TBC1D5: variants seen among roughly 807,000 people sequenced by gnomAD.
TBC1D5 encodes TBC1 domain family, member 5.
Under a neutral mutation model 100.3 loss-of-function variants are expected in TBC1D5, and 75 were observed. That is an observed-to-expected ratio of 0.75 (90% CI 0.62 to 0.91). The LOEUF is 0.91. TBC1D5 is among the 40% of genes least tolerant of loss of function. TBC1D5 has a pLI of 0.00. For missense variants in TBC1D5, 910 were observed against 942.4 expected (o/e 0.97, Z 0.45); for synonymous variants, 323 against 325.6 (o/e 0.99, Z 0.09).
chr3:17,345,932 G>A (rs1441112038), intron 13 of TBC1D5, among the ~76,000 whole-genome samples: 1 of 151,050 alleles, frequency 6.6e-6, no homozygotes, highest in Non-Finnish European at 1.5e-5. Context: ...GGTGGGGAGA[G>A]GGGGGAGGGA....
chr3:17,166,792 ACG>A lies in TBC1D5; in HGVS notation c.2067_2068del (p.Val690SerfsTer7), dbSNP rs1401523631. ...CTGTTTAATGGCCCCTGACATTTGA[ACG>A]CTCTGGCCTTGGCCTCGGCCCTGGC... On this transcript the variant is annotated frameshift_variant, in exon 21 of 22. Coordinates refer to ENST00000253692, the Ensembl canonical transcript of TBC1D5. LOFTEE classifies it high-confidence loss of function. 4 of 1,612,278 alleles carry A rather than the reference ACG, an allele frequency of 2.5e-6. No individual in the cohort carries two copies. In the African/African-American group the frequency reaches 4.0e-5, roughly 16 times the overall value.
At chr3:17,702,269 G>C (rs1252747510) in intron 1 of TBC1D5, 1 of 152,000 alleles carries the variant, frequency 6.6e-6, no homozygotes, top group Non-Finnish European at 1.5e-5. Context: ...AAGACTTCCA[G>C]AAGAAATCAA....
At chr3:17,352,118 C>A (rs1285745266) in intron 13 of TBC1D5, among the ~76,000 whole-genome samples, 1 of 151,908 alleles carries the variant, frequency 6.6e-6, no homozygotes, top group Non-Finnish European at 1.5e-5. Flanking sequence ...AATGTAAGGA[C>A]ACACATTTAA....
At chr3:17,401,420 T>G (rs1021667933) in intron 8 of TBC1D5, among the ~76,000 whole-genome samples, 1 of 151,540 alleles carries the variant, frequency 6.6e-6, no homozygotes, top group Admixed American at 6.6e-5. Flanking sequence ...TGTGTATATA[T>G]CTTGCATTTT....
At chr3:17,347,113 A>G (rs528307309) in intron 13 of TBC1D5, among the ~76,000 whole-genome samples, 22 of 152,266 alleles carry the variant, frequency 1.4e-4, no homozygotes, top group African/African-American at 4.3e-4. Context: ...GTTTACACAG[A>G]TTGCTTTTCA....
chr3:17,175,477 T>A (rs979897911), intron 19 of TBC1D5, among the ~76,000 whole-genome samples: 1 of 152,236 alleles, frequency 6.6e-6, no homozygotes, highest in Non-Finnish European at 1.5e-5. Context: ...GATATGGCTA[T>A]AACATTAGGG....
chr3:17,439,636 G>C (rs2094602902), intron 3 of TBC1D5, among the ~76,000 whole-genome samples: 1 of 151,658 alleles, frequency 6.6e-6, no homozygotes, highest in Non-Finnish European at 1.5e-5. Flanking sequence ...ACAAATTTTT[G>C]CTATGACATT....
At chr3:17,506,595 T>G (rs1471583761) in intron 3 of TBC1D5, among the ~76,000 whole-genome samples, 1 of 152,132 alleles carries the variant, frequency 6.6e-6, no homozygotes, top group Non-Finnish European at 1.5e-5. Context: ...TTAATGAACA[T>G]TTGGGGTAAA....
intron 9 of TBC1D5, among the ~76,000 whole-genome samples, chr3:17,381,971 A>G (rs916313648): frequency 5.3e-5 from 8 of 152,080 alleles, no homozygotes; most frequent in African/African-American, 1.9e-4. Flanking sequence ...ACCTGTTTCT[A>G]GACTGTTTCA....
chr3:17,734,202 AC>A (rs959726660), intron 1 of TBC1D5, among the ~76,000 whole-genome samples: 2 of 152,260 alleles, frequency 1.3e-5, no homozygotes, highest in African/African-American at 2.4e-5. Flanking sequence ...GTACATTCAT[AC>A]AATGTATTTT....
chr3:17,372,317 A>C, intron 12 of TBC1D5, 70 bp from the exon 13 acceptor site: 1 of 1,368,250 alleles, frequency 7.3e-7, no homozygotes, highest in Non-Finnish European at 9.7e-7. Flanking sequence ...GTCATTCTTT[A>C]TCAATGACAG....
intron 13 of TBC1D5, among the ~76,000 whole-genome samples, chr3:17,364,041 C>T (rs1157089145): frequency 1.3e-5 from 2 of 150,584 alleles, no homozygotes; most frequent in Non-Finnish European, 2.9e-5. Context: ...ACCCCCTCCC[C>T]GGACTGAAAT....
intron 2 of TBC1D5, among the ~76,000 whole-genome samples, chr3:17,566,907 A>G (rs1164436447): frequency 6.6e-6 from 1 of 151,886 alleles, no homozygotes; most frequent in East Asian, 1.9e-4. Context: ...TTGGTAAACA[A>G]GAACCTAGTC....
chr3:17,618,963 A>AT (rs1339774254), intron 2 of TBC1D5, among the ~76,000 whole-genome samples: 2 of 152,164 alleles, frequency 1.3e-5, no homozygotes, highest in Non-Finnish European at 2.9e-5. Context: ...GGAAATGCAG[A>AT]TATCACCCGT....
chr3:17,621,158 T>TA (rs2062625323), intron 2 of TBC1D5, among the ~76,000 whole-genome samples: 1 of 152,198 alleles, frequency 6.6e-6, no homozygotes, highest in South Asian at 2.1e-4. Flanking sequence ...GGATTAGAAT[T>TA]AGAGAAACTG....
chr3:17,413,099 T>G (rs990514617), intron 4 of TBC1D5, among the ~76,000 whole-genome samples: 3 of 152,170 alleles, frequency 2.0e-5, no homozygotes, highest in Non-Finnish European at 2.9e-5. Context: ...ACCTTGAAGA[T>G]TTCCTTAACA....
chr3:17,187,532 C>T (rs1045286211), intron 18 of TBC1D5, among the ~76,000 whole-genome samples: 3 of 152,190 alleles, frequency 2.0e-5, no homozygotes, highest in African/African-American at 4.8e-5. Flanking sequence ...AGAAGAAGAG[C>T]CTGAGCCCTG....
chr3:17,283,566 CTGACCATG>C (rs1209782696), intron 15 of TBC1D5, among the ~76,000 whole-genome samples: 1 of 152,084 alleles, frequency 6.6e-6, no homozygotes, highest in East Asian at 1.9e-4. Flanking sequence ...ACTTATTGGC[CTGACCATG>C]TGACGGCCAA....
chr3:17,306,473 T>C (rs569331248), intron 14 of TBC1D5, among the ~76,000 whole-genome samples: 1 of 152,304 alleles, frequency 6.6e-6, no homozygotes, highest in African/African-American at 2.4e-5. Context: ...AATCACTTCA[T>C]TACTTCTGTA....
Sources: allele counts gnomAD v4.1 joint callset (sites outside exome capture counted in the v4.1 genomes callset), GRCh38; gene constraint gnomAD v4.1.1; transcripts MANE v1.5; gene names NCBI Gene and HGNC (gene_info 2026-07-23, HGNC 2026-07-21).